The following MPDZ variants were observed in gnomAD, a reference collection of about 807,000 sequenced individuals.
MPDZ encodes the protein multiple PDZ domain protein.
In MPDZ, 234 loss-of-function variants were observed where a neutral mutation model predicts 239.1. The observed-to-expected ratio is 0.98, with a 90% confidence interval of 0.88 to 1.09. MPDZ has a LOEUF of 1.09. MPDZ is among the 50% of genes least tolerant of loss of function. The pLI, the probability that MPDZ is intolerant of heterozygous loss-of-function variation, is 0.00. For missense variants in MPDZ, 3,175 were observed against 2,510.0 expected, an observed-to-expected ratio of 1.26 and a Z score of -5.66; for synonymous variants, 1,048 against 881.3, an observed-to-expected ratio of 1.19 and a Z score of -3.35.
chr9:13,192,831 C>T (rs1251854704), intron 14 of MPDZ, among the ~76,000 whole-genome samples: 1 of 152,040 alleles, frequency 6.6e-6, no homozygotes, highest in Non-Finnish European at 1.5e-5. Flanking sequence ...GAAGGAGACC[C>T]TTTTCCATTC....
chr9:13,127,482 G>T (rs1587005843), intron 32 of MPDZ, among the ~76,000 whole-genome samples: 1 of 152,152 alleles, frequency 6.6e-6, no homozygotes, highest in South Asian at 2.1e-4. Context: ...AATTAAAACA[G>T]AGTTTTTAAC....
intron 1 of MPDZ, among the ~76,000 whole-genome samples, chr9:13,259,565 C>A (rs750948965): frequency 2.0e-5 from 3 of 152,102 alleles, no homozygotes; most frequent in Non-Finnish European, 4.4e-5. Flanking sequence ...GAGGGTCACC[C>A]AAGCTTAACT....
rs186287156 is a variant in MPDZ, at chr9:13,110,740, C to A, written c.5725G>T (p.Val1909Phe). The A allele has an allele frequency of 6.2e-6, 10 of 1,610,888 alleles. No homozygotes were observed. In the East Asian group the frequency reaches 1.8e-4, roughly 29 times the overall value. Residue 1909 changes from valine to phenylalanine, a missense_variant and splice_region_variant, in exon 44 of 47, where the codon GTT becomes TTT. Coordinates refer to ENST00000319217, the MANE Select transcript of MPDZ (RefSeq NM_001378778.1). ...GVAAQTQKLRVGDRIVTICGT... is the reference protein window; with the variant it reads ...GVAAQTQKLRFGDRIVTICGT... Reference sequence around the variant, plus strand: ...CAGATGGTGACAATCCTATCCCCAACCTGCAAGGGAGAGAAAGAAACAGCC... The same window carrying A: ...CAGATGGTGACAATCCTATCCCCAAACTGCAAGGGAGAGAAAGAAACAGCC...
chr9:13,247,009 T>C (rs1966719953), intron 3 of MPDZ, among the ~76,000 whole-genome samples: 2 of 152,206 alleles, frequency 1.3e-5, no homozygotes, highest in African/African-American at 4.8e-5. Flanking sequence ...TTAATATAAA[T>C]GCTAGGACTT....
chr9:13,229,753 G>T (rs1338002032), intron 3 of MPDZ, among the ~76,000 whole-genome samples: 1 of 151,876 alleles, frequency 6.6e-6, no homozygotes, highest in Non-Finnish European at 1.5e-5. Flanking sequence ...TAAATCAGTA[G>T]GAATTCCTTA....
intron 44 of MPDZ, among the ~76,000 whole-genome samples, chr9:13,110,346 T>C (rs1942238968): frequency 6.6e-6 from 1 of 152,200 alleles, no homozygotes. Context: ...ATCTTTAGAA[T>C]ATAAGCCACT....
chr9:13,232,798 C>T (rs902480903), intron 3 of MPDZ, among the ~76,000 whole-genome samples: 3 of 142,552 alleles, frequency 2.1e-5, no homozygotes, highest in African/African-American at 7.8e-5. Context: ...AAGTTGTATT[C>T]AGGAAATATA....
At chr9:13,277,602 T>C (rs1222353008) in intron 1 of MPDZ, among the ~76,000 whole-genome samples, 1 of 152,192 alleles carries the variant, frequency 6.6e-6, no homozygotes, top group Non-Finnish European at 1.5e-5. Flanking sequence ...TCTCGCTCTG[T>C]CACCCAGGCC....
rs146969432 is a variant in MPDZ, at chr9:13,234,583, G to A, written c.184-10000C>T. 4.8e-3 allele frequency among the ~76,000 whole-genome samples: 733 copies of A among 152,130 alleles called. 4 individuals are homozygous for A. The highest frequency in any genetic ancestry group is 0.016 in the African/African-American group (650 of 41,534). On this transcript the variant is annotated intron_variant, in intron 3 of 46. Transcript: ENST00000319217. ...ATGACCAAAATACTTATGTTTGATG[G>A]ATATTATATCATTTAAAAGCTAAAA...
In MPDZ at chr9:13,106,698, T is replaced by C. The variant is rs1043820761; in HGVS notation, c.*267A>G. 1 of 366,532 alleles carries C rather than the reference T, an allele frequency of 2.7e-6. No homozygotes were observed. The highest frequency in any genetic ancestry group is 5.0e-6 in the Non-Finnish European group (1 of 198,576). The allele number at this position is 366,532 out of a possible 1,614,324, so 22.7% of individuals were successfully genotyped here. A position where few individuals can be genotyped will look rare whatever the true frequency, so the allele number is the denominator to read the frequency against. On this transcript the variant is annotated 3_prime_UTR_variant, in exon 47 of 47. Transcript: ENST00000319217. ...TCTTGCCCATGTGACTACAAAACAT[T>C]AGATATCTCCACAAATAAAAACGAG...
chr9:13,234,129 A>G (rs1355825312), intron 3 of MPDZ, among the ~76,000 whole-genome samples: 1 of 152,142 alleles, frequency 6.6e-6, no homozygotes, highest in Non-Finnish European at 1.5e-5. Context: ...ATTTTGATAT[A>G]TGCTGGTACA....
At chr9:13,188,735 C>A (rs1345413178) in intron 17 of MPDZ, 49 bp downstream of exon 17, 3 of 1,541,720 alleles carry the variant, frequency 1.9e-6, no homozygotes, top group Non-Finnish European at 2.7e-6. Context: ...GACCTATGAA[C>A]CATTTTGCTT....
chr9:13,158,463 T>C (rs1201078941), intron 23 of MPDZ, among the ~76,000 whole-genome samples: 1 of 152,146 alleles, frequency 6.6e-6, no homozygotes, highest in Non-Finnish European at 1.5e-5. Context: ...TAAATTCCTA[T>C]AATGTGCAGG....
intron 26 of MPDZ, among the ~76,000 whole-genome samples, chr9:13,143,970 T>A (rs10809910): frequency 0.034 from 5,161 of 152,202 alleles, 166 homozygotes; most frequent in Admixed American, 0.11. Context: ...TAATTTTTTT[T>A]AAATAATCTG....
chr9:13,208,762 T>C (rs1957283211), intron 10 of MPDZ, among the ~76,000 whole-genome samples: 1 of 151,712 alleles, frequency 6.6e-6, no homozygotes, highest in Non-Finnish European at 1.5e-5. Flanking sequence ...GAGGGAATAT[T>C]CAATCAAAAA....
chr9:13,121,787 A>G lies in MPDZ; in HGVS notation c.5183T>C (p.Leu1728Pro), dbSNP rs772792353. The change falls in exon 38 of 47, where the codon CTG becomes CCG. Residue 1728 changes from leucine to proline, a missense_variant. Physicochemically the swap from Leu to Pro is moderately conservative, Grantham distance 98 (BLOSUM62 -3). Coordinates refer to ENST00000319217, the MANE Select transcript of MPDZ (RefSeq NM_001378778.1). ...TAGGCCTTTTCCCGGCTTCTTCTGC[A>G]GCTCAATAGTGAGGGTGTCACACAC... ...EEVCDTLTIE[L>P]QKKPGKGLGL... The G allele has an allele frequency of 6.2e-6, 10 of 1,613,846 alleles. No individual in the cohort carries two copies. Among genetic ancestry groups the G allele is most frequent in the African/African-American group, 4.0e-5 (3 of 74,916 alleles).
intron 35 of MPDZ, among the ~76,000 whole-genome samples, chr9:13,123,567 G>A (rs910103121): frequency 2.0e-5 from 3 of 152,034 alleles, no homozygotes; most frequent in Non-Finnish European, 4.4e-5. Flanking sequence ...GTTTTAAATT[G>A]GTAGAGATAT....
rs1950630019 is a variant in MPDZ at position 13,162,816 on chromosome 9, T to TG, written c.3255-22dup. The TG allele has an allele frequency of 2.0e-6, 3 of 1,529,540 alleles. No individual in the cohort carries two copies. In the East Asian group the frequency reaches 6.9e-5, roughly 35 times the overall value. 94.7% of individuals were successfully genotyped at this position (1,529,540 alleles called of 1,614,324 possible). A position where few individuals can be genotyped will look rare whatever the true frequency, so the allele number is the denominator to read the frequency against. ...TAATTCTGGAACAAACCAGAATCCA[T>TG]GGAAGTGAAGGGAAATAATATTTTG... On this transcript the variant is annotated intron_variant, in intron 22 of 46. Transcript: ENST00000319217.
intron 2 of MPDZ, among the ~76,000 whole-genome samples, chr9:13,249,018 A>G (rs1254060152): frequency 1.4e-5 from 2 of 139,520 alleles, no homozygotes; most frequent in Non-Finnish European, 3.1e-5. Flanking sequence ...AATTGGAATC[A>G]TCACCAGAGA....
Sources: gnomAD v4.1 joint callset for allele counts (sites outside exome capture counted in the v4.1 genomes callset) on GRCh38, gnomAD v4.1.1 for gene constraint, MANE v1.5 for transcripts, NCBI Gene and HGNC (gene_info 2026-07-23, HGNC 2026-07-21) for gene names.